The following CAGE1 variants were observed in gnomAD, a reference collection of about 807,000 sequenced individuals.
The protein encoded by CAGE1 is cancer-associated gene 1 protein.
A neutral mutation model predicts 94.9 loss-of-function variants in CAGE1; 66 were observed. The observed-to-expected ratio is 0.70, with a 90% CI of 0.57 to 0.85. The LOEUF is 0.85. CAGE1 is among the 40% of genes least tolerant of loss of function. CAGE1 has a pLI of 0.00. For missense variants in CAGE1, 865 were observed against 950.4 expected, an observed-to-expected ratio of 0.91 and a Z score of 1.18; for synonymous variants, 319 against 321.0, an observed-to-expected ratio of 0.99 and a Z score of 0.07.
At chr6:7,338,854 T>G in intron 11 of CAGE1, 1 of 1,373,624 alleles carries the variant, frequency 7.3e-7, no homozygotes, top group Non-Finnish European at 1.0e-6. Context: ...CTGTGGTGAC[T>G]GAGGGCACGG....
At chr6:7,387,236 A>G in intron 1 of CAGE1, 40 bp from the exon 2 acceptor site, 1 of 1,232,174 alleles carries the variant, frequency 8.1e-7, no homozygotes, top group Non-Finnish European at 1.1e-6. Flanking sequence ...GTATAAACAA[A>G]AAGTTTTTTC....
At chr6:7,382,637 C>T (rs1481166670) in intron 3 of CAGE1, among the ~76,000 whole-genome samples, 1 of 149,154 alleles carries the variant, frequency 6.7e-6, no homozygotes, top group Admixed American at 6.7e-5. Flanking sequence ...TTAGGCTGGG[C>T]GTGGTGACTC....
intron 11 of CAGE1, chr6:7,347,454 C>T (rs1407039577): frequency 6.8e-6 from 1 of 146,544 alleles, no homozygotes; most frequent in East Asian, 2.0e-4. Flanking sequence ...CTCGCTGGGT[C>T]CCCAAGCAGG....
Position 7,373,579 on chromosome 6 carries a change from T to C in CAGE1, c.1240A>G (p.Lys414Glu). The C allele has an allele frequency of 6.2e-7, 1 of 1,613,516 alleles. No individual in the cohort carries two copies. The highest frequency in any genetic ancestry group is 8.5e-7 in the Non-Finnish European group (1 of 1,179,766). ...EMLQLQFKKIKANYVCLQERY... is the reference protein window; with the variant it reads ...EMLQLQFKKIEANYVCLQERY... ...TCCTGTAAACACACATAATTAGCCT[T>C]GATCTTCTTAAATTGAAGCTGTAAC... The change falls in exon 5 of 14, where the codon AAG (lysine) becomes GAG (glutamate). Residue 414 changes from lysine (K) to glutamate (E), a missense_variant. Coordinates refer to ENST00000502583, the MANE Select transcript of CAGE1 (RefSeq NM_001170692.2).
intron 3 of CAGE1, among the ~76,000 whole-genome samples, chr6:7,380,701 A>G (rs1258315379): frequency 6.6e-6 from 1 of 151,934 alleles, no homozygotes; most frequent in African/African-American, 2.4e-5. Flanking sequence ...ACATATATAC[A>G]TATATATGTA....
chr6:7,379,777 G>A (rs1171462952), intron 3 of CAGE1, among the ~76,000 whole-genome samples: 4 of 151,812 alleles, frequency 2.6e-5, no homozygotes, highest in African/African-American at 9.7e-5. Flanking sequence ...ACATAATCTT[G>A]CCAAAGAATA....
intron 7 of CAGE1, 87 bp from the exon 8 acceptor site, chr6:7,365,971 C>T (rs1193684663): frequency 5.0e-6 from 4 of 806,618 alleles, no homozygotes; most frequent in Non-Finnish European, 7.6e-6. Flanking sequence ...CCGGGCCGGG[C>T]GTAGTGGCTC....
intron 13 of CAGE1, 57 bp downstream of exon 13, chr6:7,329,789 GTTA>G (rs2113337060): frequency 1.2e-6 from 1 of 822,808 alleles, no homozygotes; most frequent in East Asian, 2.6e-5. Context: ...TAAATCTTGT[GTTA>G]TTGTCAAATT....
rs764575013 is a variant in CAGE1 at position 7,368,696 on chromosome 6, C to T, written c.1996G>A (p.Asp666Asn). ...KSLHLKKKTL[D>N]KELLKHKDRI... ...AAGAATAAATATAATACCTCTTTATCTAAAGTTTTCTTTTTAAGATGGAGG... is the reference window on the plus strand; with the variant it reads ...AAGAATAAATATAATACCTCTTTATTTAAAGTTTTCTTTTTAAGATGGAGG... Residue 666 changes from aspartate (D) to asparagine (N), a missense_variant, in exon 7 of 14, where the codon GAT (aspartate) becomes AAT (asparagine). Asp to Asn is a conservative substitution (Grantham distance 23). Transcript: ENST00000502583. The T allele has an allele frequency of 6.8e-7, 1 of 1,475,328 alleles. No individual in the cohort carries two copies. The highest frequency in any genetic ancestry group is 1.4e-5 in the African/African-American group (1 of 70,374). 91.4% of individuals were successfully genotyped at this position (1,475,328 alleles called of 1,614,324 possible). A position where few individuals can be genotyped will look rare whatever the true frequency, so the allele number is the denominator to read the frequency against.
At chr6:7,337,115 G>C (rs1313691177) in intron 11 of CAGE1, among the ~76,000 whole-genome samples, 1 of 152,052 alleles carries the variant, frequency 6.6e-6, no homozygotes, top group Non-Finnish European at 1.5e-5. Context: ...GAGGTCAGGA[G>C]TTCAAGACCA....
chr6:7,366,481 C>T (rs566391628), intron 7 of CAGE1, among the ~76,000 whole-genome samples: 1 of 152,218 alleles, frequency 6.6e-6, no homozygotes, highest in South Asian at 2.1e-4. Context: ...ACCTACTTGC[C>T]CAAAGCATGG....
At chr6:7,331,272 C>A in intron 12 of CAGE1, 1 of 750,730 alleles carries the variant, frequency 1.3e-6, no homozygotes, top group South Asian at 2.3e-5. Flanking sequence ...GCCAACATGT[C>A]AAGCAGTGGT....
intron 9 of CAGE1, among the ~76,000 whole-genome samples, chr6:7,357,344 A>C (rs1759992886): frequency 6.6e-6 from 1 of 152,140 alleles, no homozygotes; most frequent in South Asian, 2.1e-4. Context: ...TTGAAGTAGA[A>C]AATGTTAGGC....
rs1296606008 is a variant in CAGE1, at chr6:7,346,685, G to GA, written c.2369+8355dup. On this transcript the variant is annotated intron_variant, in intron 11 of 13. Transcript: ENST00000502583. ...AACACGGCAAAACCCTGTCTCTACTGAAAAAAGAAAAAAAAATAGCCAGGT... is the reference window on the plus strand; with the variant it reads ...AACACGGCAAAACCCTGTCTCTACTGAAAAAAAGAAAAAAAAATAGCCAGGT... Among the ~76,000 whole-genome samples, 3 of 142,310 alleles carry GA rather than the reference G, an allele frequency of 2.1e-5. No homozygotes were observed. In the East Asian group the frequency reaches 5.9e-4, roughly 28 times the overall value. The allele number at this position is 142,310 out of a possible 152,430, so 93.4% of individuals were successfully genotyped here.
At chr6:7,374,576 G>C (rs1028406744) in intron 4 of CAGE1, among the ~76,000 whole-genome samples, 1 of 150,334 alleles carries the variant, frequency 6.7e-6, no homozygotes, top group Non-Finnish European at 1.5e-5. Context: ...CCAAAAGTTT[G>C]GATTTTTAGG....
At chr6:7,363,466 C>T (rs1358318362) in intron 9 of CAGE1, among the ~76,000 whole-genome samples, 1 of 152,166 alleles carries the variant, frequency 6.6e-6, no homozygotes, top group Non-Finnish European at 1.5e-5. Context: ...CTGATTTGTC[C>T]TCTAAGTCTC....
intron 7 of CAGE1, 61 bp from the exon 8 acceptor site, chr6:7,365,945 T>G: frequency 9.7e-7 from 1 of 1,028,734 alleles, no homozygotes; most frequent in Non-Finnish European, 1.4e-6. Context: ...CTAATATTTA[T>G]AATAAAATAA....
chr6:7,344,639 G>C (rs956035064), intron 11 of CAGE1, among the ~76,000 whole-genome samples: 5 of 152,242 alleles, frequency 3.3e-5, no homozygotes, highest in Non-Finnish European at 7.3e-5. Flanking sequence ...TCCACCTGCA[G>C]CCCCGGTGCC....
At chr6:7,369,814 C>T in intron 6 of CAGE1, 105 bp downstream of exon 6, 1 of 1,156,742 alleles carries the variant, frequency 8.6e-7, no homozygotes, top group Non-Finnish European at 1.2e-6. Flanking sequence ...TTCAATTCTT[C>T]ATTTTCTTCT....
Sources: allele counts gnomAD v4.1 joint callset (sites outside exome capture counted in the v4.1 genomes callset), GRCh38; gene constraint gnomAD v4.1.1; transcripts MANE v1.5; gene names NCBI Gene and HGNC (gene_info 2026-07-23, HGNC 2026-07-21).